FBRSL1: variants seen among roughly 807,000 people sequenced by gnomAD.
The protein encoded by FBRSL1 is fibrosin like 1.
Under a neutral mutation model 89.6 loss-of-function variants are expected in FBRSL1, and 51 were observed. The ratio of observed to expected loss-of-function variants is 0.57; its 90% CI spans 0.45 to 0.72. The LOEUF is 0.72. FBRSL1 is among the 30% of genes least tolerant of loss of function. The pLI is 0.00. For synonymous variants in FBRSL1, 779 were observed against 681.1 expected (o/e 1.14, Z -2.24); for missense variants, 1,618 against 1,451.8 (o/e 1.11, Z -1.86).
intron 5 of FBRSL1, 109 bp from the exon 6 acceptor site, chr12:132,567,372 G>T: frequency 2.8e-6 from 3 of 1,073,930 alleles, no homozygotes; most frequent in South Asian, 2.8e-5. Flanking sequence ...GGCACATCCC[G>T]CCTGGCCCTG....
rs1006064928 is a variant in FBRSL1 at position 132,574,030 on chromosome 12, G to C, written c.1531-60G>C. On this transcript the variant is annotated intron_variant, in intron 11 of 18. Coordinates refer to ENST00000680143, the MANE Select transcript of FBRSL1 (RefSeq NM_001367871.1). Reference sequence around the variant, plus strand: ...GGCCCACGCCAGAACCAGGAAGCCCGAGGCGTCCTCCTGCCTGGGCGGCCC... The same window carrying C: ...GGCCCACGCCAGAACCAGGAAGCCCCAGGCGTCCTCCTGCCTGGGCGGCCC... The C allele has an allele frequency of 3.8e-5, 43 of 1,128,728 alleles. No individual in the cohort carries two copies. In the African/African-American group the frequency reaches 6.2e-4, roughly 16 times the overall value. 69.9% of individuals were successfully genotyped at this position (1,128,728 alleles called of 1,614,324 possible).
intron 1 of FBRSL1, among the ~76,000 whole-genome samples, chr12:132,492,609 G>T (rs562378707): frequency 2.0e-5 from 3 of 152,256 alleles, no homozygotes; most frequent in Admixed American, 6.5e-5. Context: ...TGTTTTGCCC[G>T]CAGCGGCTCT....
intron 1 of FBRSL1, among the ~76,000 whole-genome samples, chr12:132,500,673 A>T (rs935259553): frequency 1.3e-5 from 2 of 152,054 alleles, no homozygotes; most frequent in African/African-American, 4.8e-5. Flanking sequence ...AGCCCGGGAC[A>T]GCCCATTCAC....
At position 132,584,011 on chromosome 12, in the gene FBRSL1, A is replaced by G. The variant is rs1405723047; in HGVS notation, c.*233A>G. 1 of 243,576 alleles carries G rather than the reference A, an allele frequency of 4.1e-6. No individual in the cohort carries two copies. The highest frequency in any genetic ancestry group is 2.3e-5 in the African/African-American group (1 of 43,894). The allele number at this position is 243,576 out of a possible 1,614,324, so 15.1% of individuals were successfully genotyped here. On this transcript the variant is annotated 3_prime_UTR_variant, in exon 19 of 19. Coordinates refer to ENST00000680143, the MANE Select transcript of FBRSL1 (RefSeq NM_001367871.1). ...TCGCGTTTGTACCTTTTCCCCCCAC[A>G]GATGAGAAGTGTTTGTAATGGATTT...
chr12:132,509,791 G>T (rs1036456078), intron 2 of FBRSL1: 21 of 1,231,122 alleles, frequency 1.7e-5, no homozygotes, highest in Non-Finnish European at 2.1e-5. Flanking sequence ...CAGCGCAGCC[G>T]GCCCCTGTGG....
At chr12:132,560,691 G>T (rs985230003) in intron 5 of FBRSL1, among the ~76,000 whole-genome samples, 20 of 152,298 alleles carry the variant, frequency 1.3e-4, no homozygotes, top group African/African-American at 4.8e-4. Flanking sequence ...TCCGCCCGCC[G>T]CCGGGATTGT....
chr12:132,513,620 G>A (rs2034568079), intron 2 of FBRSL1, among the ~76,000 whole-genome samples: 1 of 152,244 alleles, frequency 6.6e-6, no homozygotes, highest in Non-Finnish European at 1.5e-5. Flanking sequence ...CCCATCTGCA[G>A]AAGGGGTTAT....
At chr12:132,549,453 G>T (rs2037970088) in intron 5 of FBRSL1, among the ~76,000 whole-genome samples, 1 of 152,178 alleles carries the variant, frequency 6.6e-6, no homozygotes, top group African/African-American at 2.4e-5. Flanking sequence ...GAGTAACCTT[G>T]TCCTGATCTC....
At chr12:132,541,505 C>T (rs1043612712) in intron 4 of FBRSL1, among the ~76,000 whole-genome samples, 3 of 152,216 alleles carry the variant, frequency 2.0e-5, no homozygotes, top group South Asian at 2.1e-4. Flanking sequence ...TGGCGGTGCC[C>T]CCCCAGGCAG....
Position 132,574,364 on chromosome 12 carries a change from G to T in FBRSL1, c.1629+16G>T. The T allele has an allele frequency of 6.5e-7, 1 of 1,549,934 alleles. No individual in the cohort carries two copies. The highest frequency in any genetic ancestry group is 8.7e-7 in the Non-Finnish European group (1 of 1,146,654). ...GGTGGTCAAGGTGAGCACGTGTTGGGAAGGCCCGTGGCAAGGGAGGACTCT... is the reference window on the plus strand; with the variant it reads ...GGTGGTCAAGGTGAGCACGTGTTGGTAAGGCCCGTGGCAAGGGAGGACTCT... On this transcript the variant is annotated intron_variant, in intron 13 of 18. Transcript: ENST00000680143.
Position 132,570,475 on chromosome 12 carries a change from C to G in FBRSL1, c.1148C>G (p.Pro383Arg). The G allele has an allele frequency of 6.5e-7, 1 of 1,531,602 alleles. No individual in the cohort carries two copies. The highest frequency in any genetic ancestry group is 1.2e-5 in the South Asian group (1 of 83,340). 94.9% of individuals were successfully genotyped at this position (1,531,602 alleles called of 1,614,324 possible). A position where few individuals can be genotyped will look rare whatever the true frequency, so the allele number is the denominator to read the frequency against. Residue 383 changes from proline to arginine, a missense_variant, in exon 8 of 19, where the codon CCC (proline) becomes CGC (arginine). Physicochemically the swap from Pro to Arg is moderately radical, Grantham distance 103. Coordinates refer to ENST00000680143, the MANE Select transcript of FBRSL1 (RefSeq NM_001367871.1). ...HQLHAAMFAA[P>R]PTLPPPPALP... is the part of the protein sequence containing the mutation. ...CTCCACGCGGCCATGTTTGCCGCACCCCCGACACTGCCCCCGCCCCCGGCG... is the reference window on the plus strand; with the variant it reads ...CTCCACGCGGCCATGTTTGCCGCACGCCCGACACTGCCCCCGCCCCCGGCG...
chr12:132,579,904 T>G (rs2040626831), intron 15 of FBRSL1, among the ~76,000 whole-genome samples: 1 of 152,210 alleles, frequency 6.6e-6, no homozygotes, highest in African/African-American at 2.4e-5. Context: ...CTGTTTCTTC[T>G]GGCATCGGTT....
intron 2 of FBRSL1, chr12:132,509,181 G>C: frequency 1.6e-6 from 2 of 1,245,616 alleles, no homozygotes; most frequent in Non-Finnish European, 2.0e-6. Context: ...CTCCCCAGAA[G>C]GGGGGCCGCT....
At chr12:132,528,848 C>T (rs891692790) in intron 4 of FBRSL1, among the ~76,000 whole-genome samples, 1 of 152,148 alleles carries the variant, frequency 6.6e-6, no homozygotes, top group African/African-American at 2.4e-5. Flanking sequence ...TGCCATGCCT[C>T]CCCGTGGGTG....
chr12:132,532,201 C>G (rs1011736997), intron 4 of FBRSL1, among the ~76,000 whole-genome samples: 1 of 152,148 alleles, frequency 6.6e-6, no homozygotes, highest in Non-Finnish European at 1.5e-5. Flanking sequence ...GTGGTGGCAG[C>G]CCATGGTGAG....
chr12:132,547,177 G>A (rs1054941004), intron 4 of FBRSL1, among the ~76,000 whole-genome samples: 8 of 151,804 alleles, frequency 5.3e-5, no homozygotes, highest in African/African-American at 1.5e-4. Context: ...TGTGTTCTTC[G>A]TAGGGCTCTG....
chr12:132,579,673 T>C (rs1355212144), intron 15 of FBRSL1, among the ~76,000 whole-genome samples: 4 of 152,140 alleles, frequency 2.6e-5, no homozygotes, highest in Non-Finnish European at 5.9e-5. Flanking sequence ...TCCAGATGAG[T>C]TTCCTGAGTA....
At chr12:132,530,974 C>T (rs924040904) in intron 4 of FBRSL1, among the ~76,000 whole-genome samples, 4 of 117,726 alleles carry the variant, frequency 3.4e-5, no homozygotes, top group Admixed American at 1.2e-4. Context: ...GTCAGCCCTG[C>T]GGGCCCCTTG....
At chr12:132,555,998 C>T (rs1403755044) in intron 5 of FBRSL1, among the ~76,000 whole-genome samples, 2 of 152,174 alleles carry the variant, frequency 1.3e-5, no homozygotes, top group African/African-American at 4.8e-5. Flanking sequence ...TCCCCCAGCC[C>T]CTGGGGTCCT....
Sources: gnomAD v4.1 joint callset for allele counts (sites outside exome capture counted in the v4.1 genomes callset) on GRCh38, gnomAD v4.1.1 for gene constraint, MANE v1.5 for transcripts, NCBI Gene and HGNC (gene_info 2026-07-23, HGNC 2026-07-21) for gene names.